SLC35F3: variants seen among roughly 807,000 people sequenced by gnomAD.
SLC35F3 encodes the protein solute carrier family 35 member F3.
In SLC35F3, 25 loss-of-function variants were observed where a neutral mutation model predicts 49.9. The ratio of observed to expected loss-of-function variants is 0.50; its 90% confidence interval spans 0.37 to 0.70. The LOEUF (loss-of-function observed/expected upper bound fraction) is 0.70. Among genes scored for constraint, SLC35F3 ranks in the 30% least tolerant of loss-of-function variants. SLC35F3 has a pLI of 0.00. For synonymous variants in SLC35F3, 275 were observed against 265.4 expected (o/e 1.04, Z -0.35); for missense variants, 525 against 639.8 (o/e 0.82, Z 1.94).
intron 2 of SLC35F3, among the ~76,000 whole-genome samples, chr1:233,945,183 A>G (rs1243571202): frequency 1.3e-5 from 2 of 151,884 alleles, no homozygotes; most frequent in African/African-American, 2.4e-5. Flanking sequence ...TTCAAAATCA[A>G]TATTGATGGA....
intron 2 of SLC35F3, among the ~76,000 whole-genome samples, chr1:234,147,102 G>A (rs1401444713): frequency 1.3e-5 from 2 of 152,092 alleles, no homozygotes; most frequent in African/African-American, 2.4e-5. Context: ...TTTCTGAAGA[G>A]ACTTTAGAAT....
chr1:233,940,366 A>G (rs1459319601), intron 2 of SLC35F3, among the ~76,000 whole-genome samples: 1 of 120,238 alleles, frequency 8.3e-6, no homozygotes, highest in East Asian at 2.6e-4. Context: ...ACACACACAC[A>G]CACAGAGAGA....
chr1:233,990,624 C>CTCGCCAT (rs1663340061), intron 2 of SLC35F3, among the ~76,000 whole-genome samples: 1 of 151,286 alleles, frequency 6.6e-6, no homozygotes, highest in African/African-American at 2.4e-5. Flanking sequence ...TCTCGCCATA[C>CTCGCCAT]ACACACACAC....
intron 2 of SLC35F3, among the ~76,000 whole-genome samples, chr1:234,154,225 G>C (rs77173880): frequency 1.3e-5 from 2 of 152,030 alleles, no homozygotes; most frequent in Non-Finnish European, 2.9e-5. Flanking sequence ...CACTCCAGCC[G>C]GAGCGATAGA....
At chr1:234,143,465 T>C (rs1274807040) in intron 2 of SLC35F3, among the ~76,000 whole-genome samples, 1 of 152,010 alleles carries the variant, frequency 6.6e-6, no homozygotes, top group Admixed American at 6.6e-5. Flanking sequence ...ATTTTTTGTA[T>C]TTTTAGTAGA....
intron 2 of SLC35F3, among the ~76,000 whole-genome samples, chr1:233,987,666 G>A (rs6664502): frequency 1.1e-3 from 167 of 152,122 alleles, no homozygotes; most frequent in African/African-American, 3.8e-3. Context: ...AAAAGTTCAC[G>A]TTTTCTCAGA....
intron 2 of SLC35F3, among the ~76,000 whole-genome samples, chr1:234,040,978 G>T (rs539290663): frequency 6.6e-6 from 1 of 152,192 alleles, no homozygotes; most frequent in South Asian, 2.1e-4. Flanking sequence ...TTGGCTGAAC[G>T]TAAGACGTGT....
intron 3 of SLC35F3, among the ~76,000 whole-genome samples, chr1:234,272,844 G>A (rs1440571412): frequency 6.6e-6 from 1 of 152,088 alleles, no homozygotes; most frequent in African/African-American, 2.4e-5. Context: ...TTGCCTGGCT[G>A]CTGCTTCTCC....
intron 2 of SLC35F3, among the ~76,000 whole-genome samples, chr1:234,101,800 A>T (rs1162527032): frequency 6.6e-6 from 1 of 152,262 alleles, no homozygotes; most frequent in Non-Finnish European, 1.5e-5. Flanking sequence ...CGTGGGTCAA[A>T]TAGTGGCTAG....
At chr1:234,025,559 T>C (rs958612055) in intron 2 of SLC35F3, among the ~76,000 whole-genome samples, 8 of 152,254 alleles carry the variant, frequency 5.3e-5, no homozygotes, top group Admixed American at 5.2e-4. Flanking sequence ...TTTGCATTGC[T>C]CTAATGAATA....
intron 2 of SLC35F3, among the ~76,000 whole-genome samples, chr1:233,918,175 A>G (rs1197278476): frequency 2.0e-5 from 3 of 152,204 alleles, no homozygotes; most frequent in Non-Finnish European, 4.4e-5. Context: ...GATGACTCCT[A>G]ATGGTCAGCA....
rs187293159 is a variant in SLC35F3 at position 234,233,119 on chromosome 1, C to G, written c.608+1378C>G. On this transcript the variant is annotated intron_variant, in intron 3 of 7. Coordinates refer to ENST00000366618, the MANE Select transcript of SLC35F3 (RefSeq NM_173508.4). ...ATTGCTAAAGAGGCACTTAATGCAC[C>G]CTCTTCTGAATAGAAGCCAAAAGCA... 2.0e-5 allele frequency among the ~76,000 whole-genome samples: 3 copies of G among 152,282 alleles called. No homozygotes were observed. The East Asian group carries it at 5.8e-4, about 29-fold the overall frequency.
At chr1:234,125,039 T>C (rs762990183) in intron 2 of SLC35F3, among the ~76,000 whole-genome samples, 4 of 152,172 alleles carry the variant, frequency 2.6e-5, no homozygotes, top group Admixed American at 6.5e-5. Flanking sequence ...AGGCATTGTG[T>C]TTTATAGCTT....
intron 2 of SLC35F3, among the ~76,000 whole-genome samples, chr1:234,045,769 CA>C (rs1351581089): frequency 1.3e-5 from 2 of 151,694 alleles, no homozygotes; most frequent in African/African-American, 4.8e-5. Flanking sequence ...TCTTCATCCT[CA>C]GGGGGAATTA....
chr1:233,948,478 G>C (rs1289558183), intron 2 of SLC35F3, among the ~76,000 whole-genome samples: 1 of 152,112 alleles, frequency 6.6e-6, no homozygotes, highest in Non-Finnish European at 1.5e-5. Context: ...TAAACCACAA[G>C]GCTAGATAAT....
At position 234,094,007 on chromosome 1, in the gene SLC35F3, G is replaced by A. The variant is rs9435559; in HGVS notation, c.284-137410G>A. On this transcript the variant is annotated intron_variant, in intron 2 of 7. Transcript: ENST00000366618. ...TGTCCAAGCAGCAGACCGCCCAGAC[G>A]GCCAGGAAGCAGAGGCCCTGGAGCA... is the stretch of plus-strand genomic sequence containing the variant. 8.7e-3 allele frequency among the ~76,000 whole-genome samples: 1,329 copies of A among 152,266 alleles called. 24 individuals are homozygous for A. Among genetic ancestry groups the A allele is most frequent in the African/African-American group, 0.03 (1,243 of 41,548 alleles).
chr1:234,234,404 C>A lies in SLC35F3; in HGVS notation c.608+2663C>A, dbSNP rs1469490144. On this transcript the variant is annotated intron_variant, in intron 3 of 7. Coordinates refer to ENST00000366618, the MANE Select transcript of SLC35F3 (RefSeq NM_173508.4). Reference sequence around the variant, plus strand: ...AGAGAGGAAGGCATGTGTTCCCCAGCACAGAGCTCCGCAACCTGCAACGCC... The same window carrying A: ...AGAGAGGAAGGCATGTGTTCCCCAGAACAGAGCTCCGCAACCTGCAACGCC... 3.9e-5 allele frequency among the ~76,000 whole-genome samples: 6 copies of A among 152,306 alleles called. No homozygotes were observed. In the East Asian group the frequency reaches 7.7e-4, roughly 20 times the overall value.
At chr1:234,060,098 A>G (rs1664518674) in intron 2 of SLC35F3, among the ~76,000 whole-genome samples, 2 of 152,220 alleles carry the variant, frequency 1.3e-5, no homozygotes, top group Non-Finnish European at 2.9e-5. Flanking sequence ...ATAACAAAAC[A>G]TACTTAATGT....
At chr1:234,192,065 C>A (rs989228705) in intron 2 of SLC35F3, among the ~76,000 whole-genome samples, 1 of 152,090 alleles carries the variant, frequency 6.6e-6, no homozygotes, top group Non-Finnish European at 1.5e-5. Flanking sequence ...TAACACTATT[C>A]CACAAGACAG....
Sources: gnomAD v4.1 joint callset for allele counts (sites outside exome capture counted in the v4.1 genomes callset) on GRCh38, gnomAD v4.1.1 for gene constraint, MANE v1.5 for transcripts, NCBI Gene and HGNC (gene_info 2026-07-23, HGNC 2026-07-21) for gene names.